JPH2: variants seen among roughly 807,000 people sequenced by gnomAD.
JPH2 encodes the protein junctophilin-2.
A neutral mutation model predicts 55.9 loss-of-function variants in JPH2; 38 were observed. The ratio of observed to expected loss-of-function variants is 0.68; its 90% CI spans 0.52 to 0.89. The LOEUF is 0.89. Among genes scored for constraint, JPH2 ranks in the 40% least tolerant of loss-of-function variants. JPH2 has a pLI of 0.00. For synonymous variants in JPH2, 480 were observed against 472.4 expected (o/e 1.02, Z -0.21); for missense variants, 964 against 1,037.6 (o/e 0.93, Z 0.97).
intron 1 of JPH2, among the ~76,000 whole-genome samples, chr20:44,185,893 G>A (rs2072835076): frequency 6.6e-6 from 1 of 152,020 alleles, no homozygotes; most frequent in African/African-American, 2.4e-5. Flanking sequence ...TGGATAGTTG[G>A]ATGGGTGGAT....
chr20:44,144,900 A>G (rs2072482660), intron 2 of JPH2, among the ~76,000 whole-genome samples: 1 of 152,152 alleles, frequency 6.6e-6, no homozygotes, highest in Non-Finnish European at 1.5e-5. Context: ...AGCACTGCAC[A>G]TTTATCAACA....
At chr20:44,122,202 A>T (rs1478623001) in intron 2 of JPH2, among the ~76,000 whole-genome samples, 3 of 152,206 alleles carry the variant, frequency 2.0e-5, no homozygotes, top group African/African-American at 7.2e-5. Flanking sequence ...TTGCCATAGT[A>T]ATGCTTACTG....
chr20:44,152,770 T>C (rs1221274729), intron 2 of JPH2, among the ~76,000 whole-genome samples: 1 of 152,178 alleles, frequency 6.6e-6, no homozygotes, highest in Non-Finnish European at 1.5e-5. Flanking sequence ...TCCATTTTGC[T>C]CATTAGTTAA....
Position 44,116,152 on chromosome 20 carries a change from C to T in JPH2, c.1523G>A (p.Ser508Asn), listed in dbSNP as rs2072189970. ...RPGVSKDGLL[S>N]PGAWNGEPSG... ...GGGCTCGCCGTTCCAGGCGCCTGGGCTCAGCAGGCCGTCCTTGGACACCCC... is the reference window on the plus strand; with the variant it reads ...GGGCTCGCCGTTCCAGGCGCCTGGGTTCAGCAGGCCGTCCTTGGACACCCC... The change falls in exon 4 of 6, where the codon AGC becomes AAC. Residue 508 changes from serine (S) to asparagine (N), a missense_variant. By Grantham distance (46) the Ser-to-Asn change is conservative (BLOSUM62 1). Coordinates refer to ENST00000372980, the MANE Select transcript of JPH2 (RefSeq NM_020433.5). 2.1e-6 allele frequency: 3 copies of T among 1,426,502 alleles called. No homozygotes were observed. Among genetic ancestry groups the T allele is most frequent in the South Asian group, 1.5e-5 (1 of 66,674 alleles). The allele number at this position is 1,426,502 out of a possible 1,614,324, so 88.4% of individuals were successfully genotyped here.
chr20:44,138,138 G>A (rs1408319283), intron 2 of JPH2, among the ~76,000 whole-genome samples: 5 of 151,044 alleles, frequency 3.3e-5, no homozygotes, highest in African/African-American at 1.2e-4. Context: ...CTCCTGAGTA[G>A]CGGGGATTAC....
intron 1 of JPH2, among the ~76,000 whole-genome samples, chr20:44,170,395 T>A (rs2072688548): frequency 6.6e-6 from 1 of 152,268 alleles, no homozygotes; most frequent in Non-Finnish European, 1.5e-5. Flanking sequence ...TCTCACATAG[T>A]ACCAGATGTT....
chr20:44,168,085 A>G (rs1197764989), intron 1 of JPH2, among the ~76,000 whole-genome samples: 1 of 152,174 alleles, frequency 6.6e-6, no homozygotes, highest in African/African-American at 2.4e-5. Flanking sequence ...CTCAGTGCCT[A>G]GGATATAGTA....
chr20:44,123,716 A>G (rs1160787582), intron 2 of JPH2, among the ~76,000 whole-genome samples: 2 of 152,192 alleles, frequency 1.3e-5, no homozygotes, highest in South Asian at 2.1e-4. Flanking sequence ...CAGATATACA[A>G]ATTCTCGGGC....
At chr20:44,177,464 A>G in intron 1 of JPH2, 1 of 991,970 alleles carries the variant, frequency 1.0e-6, no homozygotes, top group Non-Finnish European at 1.2e-6. Flanking sequence ...CACATGAATC[A>G]CTGAAAACAA....
intron 1 of JPH2, among the ~76,000 whole-genome samples, chr20:44,182,338 C>T (rs1195719507): frequency 6.6e-6 from 1 of 152,138 alleles, no homozygotes; most frequent in Non-Finnish European, 1.5e-5. Flanking sequence ...AGTTACACCT[C>T]GTGTGTGGCT....
chr20:44,176,015 C>T (rs1327287269), intron 1 of JPH2, among the ~76,000 whole-genome samples: 1 of 152,200 alleles, frequency 6.6e-6, no homozygotes, highest in Admixed American at 6.5e-5. Flanking sequence ...ACCCTCACCC[C>T]ATCTCAGTTC....
At chr20:44,146,820 A>G (rs897334488) in intron 2 of JPH2, among the ~76,000 whole-genome samples, 7 of 152,236 alleles carry the variant, frequency 4.6e-5, no homozygotes, top group Non-Finnish European at 7.3e-5. Flanking sequence ...ACATAGCTCC[A>G]GCAGCAAGGG....
At chr20:44,146,177 G>A (rs1362025727) in intron 2 of JPH2, among the ~76,000 whole-genome samples, 1 of 152,010 alleles carries the variant, frequency 6.6e-6, no homozygotes. Context: ...GGGACTACAG[G>A]CGCCCACTGC....
chr20:44,138,009 CT>C (rs556691395), intron 2 of JPH2, among the ~76,000 whole-genome samples: 3,007 of 140,642 alleles, frequency 0.021, 40 homozygotes, highest in South Asian at 0.039. Context: ...TTAAAAAGAC[CT>C]TTTTTTTTTT....
Position 44,116,219 on chromosome 20 carries a change from A to G in JPH2, c.1456T>C (p.Ser486Pro). 1 of 1,397,564 alleles carries G rather than the reference A, an allele frequency of 7.2e-7. No homozygotes were observed. The highest frequency in any genetic ancestry group is 1.6e-5 in the South Asian group (1 of 62,198). The allele number at this position is 1,397,564 out of a possible 1,614,324, so 86.6% of individuals were successfully genotyped here. A position where few individuals can be genotyped will look rare whatever the true frequency, so the allele number is the denominator to read the frequency against. ...GGCTGCGGGGGCGTCCCGGCCGGTG[A>G]CGGGGAGCCACCCTCGGGCCGAGGG... ...ETPRPEGGSP[S>P]PAGTPPQPKR... is the part of the protein sequence containing the mutation. The change falls in exon 4 of 6, where the codon TCA (serine) becomes CCA (proline). Residue 486 changes from serine to proline, a missense_variant. Transcript: ENST00000372980.
chr20:44,134,866 A>T (rs1312681570), intron 2 of JPH2, among the ~76,000 whole-genome samples: 1 of 34,380 alleles, frequency 2.9e-5, no homozygotes, highest in Non-Finnish European at 4.8e-5. Context: ...ATATATATAA[A>T]TATATATATT....
intron 1 of JPH2, among the ~76,000 whole-genome samples, chr20:44,165,575 C>T (rs958192111): frequency 6.6e-6 from 1 of 152,184 alleles, no homozygotes; most frequent in Admixed American, 6.5e-5. Flanking sequence ...TGCACTGACC[C>T]TTCTCACTCA....
chr20:44,143,914 A>G (rs1419453093), intron 2 of JPH2, among the ~76,000 whole-genome samples: 1 of 152,030 alleles, frequency 6.6e-6, no homozygotes, highest in Non-Finnish European at 1.5e-5. Flanking sequence ...TAGTGAAGAG[A>G]GAGAGACAAA....
intron 1 of JPH2, among the ~76,000 whole-genome samples, chr20:44,182,693 C>T (rs138420140): frequency 1.6e-4 from 24 of 152,316 alleles, no homozygotes; most frequent in African/African-American, 5.8e-4. Flanking sequence ...CATCTAAGAA[C>T]ACCTTCCTCT....
Sources: gnomAD v4.1 joint callset for allele counts (sites outside exome capture counted in the v4.1 genomes callset) on GRCh38, gnomAD v4.1.1 for gene constraint, MANE v1.5 for transcripts, NCBI Gene and HGNC (gene_info 2026-07-23, HGNC 2026-07-21) for gene names.